Variants in SGCD observed in about 807,000 individuals in gnomAD.
SGCD encodes sarcoglycan delta, also known as delta-sarcoglycan.
A neutral mutation model predicts 36.6 loss-of-function variants in SGCD; 18 were observed. The observed-to-expected ratio is 0.49, with a 90% CI of 0.34 to 0.73. SGCD has a LOEUF of 0.73. Ranked by LOEUF, SGCD falls within the 30% of genes least tolerant of loss-of-function variation. SGCD has a pLI of 0.01. For missense variants in SGCD, 387 were observed against 346.7 expected (o/e 1.12, Z -0.92); for synonymous variants, 133 against 130.6 (o/e 1.02, Z -0.12).
At chr5:156,316,804 A>G (rs1383116756) in intron 3 of SGCD, among the ~76,000 whole-genome samples, 1 of 152,062 alleles carries the variant, frequency 6.6e-6, no homozygotes, top group Non-Finnish European at 1.5e-5. Context: ...CTAAAGATTA[A>G]AGAGTACATT....
intron 6 of SGCD, among the ~76,000 whole-genome samples, chr5:156,615,836 G>GGA (rs947989758): frequency 1.3e-5 from 2 of 152,252 alleles, no homozygotes; most frequent in East Asian, 1.9e-4. Flanking sequence ...GGGTGTAGTG[G>GGA]GAGAGAGAGA....
the SGCD span, among the ~76,000 whole-genome samples, chr5:155,839,800 T>A: frequency 6.6e-6 from 1 of 152,106 alleles, no homozygotes; most frequent in Non-Finnish European, 1.5e-5. Context: ...ACTATTCCAA[T>A]AGACTTGAAT....
chr5:156,616,788 A>T (rs1762036259), intron 6 of SGCD, among the ~76,000 whole-genome samples: 1 of 152,200 alleles, frequency 6.6e-6, no homozygotes, highest in Non-Finnish European at 1.5e-5. Flanking sequence ...GGAATTGGTC[A>T]ACTATAGACT....
chr5:156,607,783 T>C (rs963264784), intron 6 of SGCD, among the ~76,000 whole-genome samples: 21 of 152,208 alleles, frequency 1.4e-4, no homozygotes, highest in Non-Finnish European at 3.1e-4. Context: ...GGAGGGTGTA[T>C]GTGTCCAGGA....
At chr5:156,362,523 G>A (rs1351652076) in intron 3 of SGCD, among the ~76,000 whole-genome samples, 4 of 152,132 alleles carry the variant, frequency 2.6e-5, no homozygotes, top group Admixed American at 1.3e-4. Flanking sequence ...GTGCGCATCT[G>A]TAGTCCCAGC....
At chr5:156,612,511 G>T (rs138752096) in intron 6 of SGCD, among the ~76,000 whole-genome samples, 3 of 152,352 alleles carry the variant, frequency 2.0e-5, no homozygotes, top group Non-Finnish European at 4.4e-5. Context: ...TCACCAGCAG[G>T]CTGACTGTTG....
intron 1 of SGCD, among the ~76,000 whole-genome samples, chr5:156,048,538 C>A (rs1356313347): frequency 6.6e-6 from 1 of 152,186 alleles, no homozygotes; most frequent in South Asian, 2.1e-4. Flanking sequence ...GATGGGGTAT[C>A]TCATTGTGGT....
At chr5:156,427,476 T>C (rs10063250) in intron 3 of SGCD, among the ~76,000 whole-genome samples, 109,131 of 151,950 alleles carry the variant, frequency 0.72, 40,435 homozygotes, top group African/African-American at 0.91. Context: ...ACAATCATAT[T>C]GGTGAACAGC....
chr5:156,404,618 G>A (rs1772318755), intron 3 of SGCD, among the ~76,000 whole-genome samples: 3 of 152,078 alleles, frequency 2.0e-5, no homozygotes, highest in Admixed American at 2.0e-4. Flanking sequence ...TGACTGACCA[G>A]CTTCTGTCTC....
intron 4 of SGCD, among the ~76,000 whole-genome samples, chr5:156,576,524 A>G (rs1301068325): frequency 6.6e-6 from 1 of 152,206 alleles, no homozygotes; most frequent in Non-Finnish European, 1.5e-5. Flanking sequence ...TGGTTGAACT[A>G]GTTTACACTC....
At chr5:156,271,696 A>G (rs201991990) in intron 3 of SGCD, among the ~76,000 whole-genome samples, 5,956 of 151,998 alleles carry the variant, frequency 0.039, 149 homozygotes, top group Non-Finnish European at 0.058. Flanking sequence ...AGTCCTTGGG[A>G]GCTATTTCTG....
chr5:155,955,111 G>C (rs1757624663), intron 1 of SGCD, among the ~76,000 whole-genome samples: 1 of 152,212 alleles, frequency 6.6e-6, no homozygotes, highest in Admixed American at 6.5e-5. Flanking sequence ...GCCTACTTGT[G>C]TCAGGGAGGG....
At chr5:156,402,542 G>C (rs148845116) in intron 3 of SGCD, among the ~76,000 whole-genome samples, 4 of 152,166 alleles carry the variant, frequency 2.6e-5, no homozygotes, top group African/African-American at 4.8e-5. Flanking sequence ...ATTCAGAAGG[G>C]GGTGGGAAGA....
chr5:155,839,694 GGAAAT>G, the SGCD span, among the ~76,000 whole-genome samples: 1 of 152,028 alleles, frequency 6.6e-6, no homozygotes, highest in South Asian at 2.1e-4. Context: ...TACTCTGAAA[GGAAAT>G]GAAGTGACTA....
At chr5:156,286,421 C>T (rs768032843) in intron 3 of SGCD, among the ~76,000 whole-genome samples, 1 of 152,090 alleles carries the variant, frequency 6.6e-6, no homozygotes, top group African/African-American at 2.4e-5. Context: ...CTTGGAACCA[C>T]CCCAAATGTC....
intron 3 of SGCD, among the ~76,000 whole-genome samples, chr5:156,434,408 TC>T (rs1351556533): frequency 2.0e-5 from 3 of 152,152 alleles, no homozygotes; most frequent in Non-Finnish European, 4.4e-5. Flanking sequence ...TGAGGCTCCC[TC>T]CCTCTCCAGT....
chr5:156,014,279 T>G (rs747517156), intron 1 of SGCD, among the ~76,000 whole-genome samples: 1 of 152,106 alleles, frequency 6.6e-6, no homozygotes, highest in Non-Finnish European at 1.5e-5. Flanking sequence ...TTCTTCCAAT[T>G]AAATGTAGAC....
At chr5:156,235,292 G>T (rs1765127305) in intron 3 of SGCD, among the ~76,000 whole-genome samples, 1 of 152,152 alleles carries the variant, frequency 6.6e-6, no homozygotes, top group South Asian at 2.1e-4. Context: ...TTCTGAGGCA[G>T]AAAATCAATT....
chr5:156,541,547 A>G (rs1442956549), intron 4 of SGCD, among the ~76,000 whole-genome samples: 1 of 152,106 alleles, frequency 6.6e-6, no homozygotes, highest in Non-Finnish European at 1.5e-5. Flanking sequence ...ATAAAGGATG[A>G]TTCTTTTTGG....
Sources: gnomAD v4.1 joint callset for allele counts (sites outside exome capture counted in the v4.1 genomes callset) on GRCh38, gnomAD v4.1.1 for gene constraint, MANE v1.5 for transcripts, NCBI Gene and HGNC (gene_info 2026-07-23, HGNC 2026-07-21) for gene names.